The following CBLB variants were observed in gnomAD, a reference collection of about 807,000 sequenced individuals.
CBLB encodes the protein E3 ubiquitin-protein ligase CBL-B.
In CBLB, 31 loss-of-function variants were observed where a neutral mutation model predicts 104.9. The ratio of observed to expected loss-of-function variants is 0.30; its 90% CI spans 0.22 to 0.40. The LOEUF is 0.40. Among genes scored for constraint, CBLB ranks in the 10% least tolerant of loss-of-function variants. CBLB has a pLI of 1.00. For missense variants in CBLB, 1,062 were observed against 1,214.6 expected, an observed-to-expected ratio of 0.87 and a Z score of 1.87; for synonymous variants, 440 against 422.6, an observed-to-expected ratio of 1.04 and a Z score of -0.51.
chr3:105,680,264 A>T (rs1395190886), intron 16 of CBLB, among the ~76,000 whole-genome samples: 1 of 152,214 alleles, frequency 6.6e-6, no homozygotes, highest in African/African-American at 2.4e-5. Flanking sequence ...AGTATGAAGA[A>T]AAAAATGACA....
chr3:105,794,846 A>G (rs1174166844), intron 3 of CBLB, among the ~76,000 whole-genome samples: 1 of 152,168 alleles, frequency 6.6e-6, no homozygotes, highest in Non-Finnish European at 1.5e-5. Context: ...ATCTTACTCC[A>G]CATATCCAGA....
intron 4 of CBLB, among the ~76,000 whole-genome samples, chr3:105,753,863 G>C (rs2076805705): frequency 6.6e-6 from 1 of 152,082 alleles, no homozygotes; most frequent in Admixed American, 6.6e-5. Flanking sequence ...ATGAACTTAA[G>C]AAAATTTTAG....
intron 3 of CBLB, among the ~76,000 whole-genome samples, chr3:105,783,772 G>C (rs1030494746): frequency 6.6e-6 from 1 of 152,182 alleles, no homozygotes; most frequent in Non-Finnish European, 1.5e-5. Context: ...AATGCAGCTA[G>C]TCCTGCAACT....
chr3:105,811,696 C>G (rs554833632), intron 3 of CBLB, among the ~76,000 whole-genome samples: 2 of 152,232 alleles, frequency 1.3e-5, no homozygotes, highest in East Asian at 3.9e-4. Flanking sequence ...AATTCTACAA[C>G]CCTACGAAAA....
chr3:105,801,598 T>G (rs756580394), intron 3 of CBLB, among the ~76,000 whole-genome samples: 1 of 152,246 alleles, frequency 6.6e-6, no homozygotes, highest in Non-Finnish European at 1.5e-5. Flanking sequence ...AATGGTCTTC[T>G]TCACTTTCTT....
Position 105,678,489 on chromosome 3 carries a change from T to C in CBLB, c.2511A>G (p.Lys837=), listed in dbSNP as rs1439383506. 6.2e-7 allele frequency: 1 copy of C among 1,613,686 alleles called. No individual in the cohort carries two copies. The highest frequency in any genetic ancestry group is 1.3e-5 in the African/African-American group (1 of 74,822). The stretch of plus-strand genomic sequence containing the variant: ...ATGGCCGGCTACTGGAGCCAGGAGG[T>C]TTTGAATGTTCAATGAGACTATGCC... ...PARHSLIEHS[K]PPGSSSRPSS... Residue 837 remains lysine (K), a synonymous_variant, in exon 17 of 19, where the codon AAA becomes AAG. Coordinates refer to ENST00000394030, the MANE Select transcript of CBLB (RefSeq NM_170662.5).
chr3:105,726,630 T>G (rs776695738), intron 9 of CBLB, among the ~76,000 whole-genome samples: 5 of 151,906 alleles, frequency 3.3e-5, no homozygotes, highest in Non-Finnish European at 5.9e-5. Context: ...GGTATACACA[T>G]GCCATGGTGG....
chr3:105,796,522 T>C (rs112280554), intron 3 of CBLB, among the ~76,000 whole-genome samples: 192 of 152,244 alleles, frequency 1.3e-3, no homozygotes, highest in African/African-American at 4.0e-3. Flanking sequence ...ATTCTGGACA[T>C]AGGACTTAGC....
At chr3:105,861,641 T>A (rs565031481) in intron 2 of CBLB, among the ~76,000 whole-genome samples, 4 of 151,392 alleles carry the variant, frequency 2.6e-5, no homozygotes, top group Non-Finnish European at 5.9e-5. Context: ...ATCTTTTTTT[T>A]TTCCCACCAA....
At chr3:105,868,450 C>T (rs991106398) in intron 1 of CBLB, 1 of 373,278 alleles carries the variant, frequency 2.7e-6, no homozygotes, top group Non-Finnish European at 4.7e-6. Context: ...CCCGCAGCAC[C>T]GTCCGTCTAG....
At chr3:105,659,299 G>A (rs2063555914) in intron 18 of CBLB, 70 bp from the exon 19 acceptor site, 2 of 1,359,852 alleles carry the variant, frequency 1.5e-6, no homozygotes, top group Admixed American at 3.4e-5. Context: ...TAACATAACA[G>A]CATTATCTCA....
chr3:105,677,230 G>A (rs1169908910), intron 17 of CBLB, among the ~76,000 whole-genome samples: 1 of 151,600 alleles, frequency 6.6e-6, no homozygotes, highest in Non-Finnish European at 1.5e-5. Flanking sequence ...TGTAAAAGCA[G>A]AAGATTATTC....
At chr3:105,708,706 G>A (rs74463604) in intron 10 of CBLB, among the ~76,000 whole-genome samples, 1 of 151,864 alleles carries the variant, frequency 6.6e-6, no homozygotes, top group African/African-American at 2.4e-5. Context: ...CCTATTGGTG[G>A]TGTTATCTGT....
At chr3:105,852,744 T>C (rs975165984) in intron 3 of CBLB, among the ~76,000 whole-genome samples, 2 of 151,858 alleles carry the variant, frequency 1.3e-5, no homozygotes, top group South Asian at 2.1e-4. Context: ...TTTTATACAG[T>C]ATTTTTTTTT....
intron 13 of CBLB, among the ~76,000 whole-genome samples, chr3:105,690,852 A>G (rs1217941812): frequency 1.3e-5 from 2 of 151,848 alleles, no homozygotes; most frequent in African/African-American, 4.8e-5. Flanking sequence ...CAAATACTTA[A>G]TGGCGGAGTC....
intron 9 of CBLB, among the ~76,000 whole-genome samples, chr3:105,728,683 G>A (rs2073965084): frequency 1.3e-5 from 2 of 152,130 alleles, no homozygotes; most frequent in African/African-American, 4.8e-5. Flanking sequence ...TGCACACAGA[G>A]TAGTATTACT....
At chr3:105,867,163 C>T (rs1340569452) in intron 2 of CBLB, among the ~76,000 whole-genome samples, 1 of 152,098 alleles carries the variant, frequency 6.6e-6, no homozygotes, top group Non-Finnish European at 1.5e-5. Flanking sequence ...AATGGTAAAA[C>T]TTTACATACT....
In CBLB at chr3:105,681,536, G is replaced by A; in HGVS notation, c.2371C>T (p.His791Tyr). The change falls in exon 16 of 19, where the codon CAT (histidine) becomes TAT (tyrosine). Residue 791 changes from histidine to tyrosine, a missense_variant. Physicochemically the swap from His to Tyr is moderately conservative, Grantham distance 83 (BLOSUM62 2). This residue lies in a region of CBLB where 605 missense variants were observed against 582.6 expected (regional missense o/e 1.04). Transcript: ENST00000394030. Reference sequence around the variant, plus strand: ...GGCGTCCTGTTGAGTGAAGAACCATGCTTTGGATTGTCCCGAGTTGGAGGC... The same window carrying A: ...GGCGTCCTGTTGAGTGAAGAACCATACTTTGGATTGTCCCGAGTTGGAGGC... ...ARPPTRDNPK[H>Y]GSSLNRTPSD... 3 of 1,614,044 alleles carry A rather than the reference G, an allele frequency of 1.9e-6. No individual in the cohort carries two copies. The highest frequency in any genetic ancestry group is 2.5e-6 in the Non-Finnish European group (3 of 1,179,898).
At chr3:105,728,483 A>T (rs1040588574) in intron 9 of CBLB, among the ~76,000 whole-genome samples, 1 of 152,198 alleles carries the variant, frequency 6.6e-6, no homozygotes, top group Non-Finnish European at 1.5e-5. Context: ...CACAGAATGA[A>T]AACAATTCCT....
Sources: allele counts gnomAD v4.1 joint callset (sites outside exome capture counted in the v4.1 genomes callset), GRCh38; gene constraint gnomAD v4.1.1; regional missense constraint gnomAD v4.1.1; transcripts MANE v1.5; gene names NCBI Gene and HGNC (gene_info 2026-07-23, HGNC 2026-07-21).